HYAL4: variants seen among roughly 807,000 people sequenced by gnomAD.
The protein encoded by HYAL4 is hyaluronidase-4.
Under a neutral mutation model 35.2 loss-of-function variants are expected in HYAL4, and 37 were observed. That is an observed-to-expected ratio of 1.05 (90% CI 0.81 to 1.38). The LOEUF is 1.38. HYAL4 is among the 40% of genes most tolerant of loss of function. HYAL4 has a pLI of 0.00. For synonymous variants in HYAL4, 198 were observed against 203.2 expected (o/e 0.97, Z 0.22); for missense variants, 572 against 572.4 (o/e 1.00, Z 0.01).
chr7:123,855,104 G>A (rs539585332), intron 2 of HYAL4, among the ~76,000 whole-genome samples: 1 of 152,148 alleles, frequency 6.6e-6, no homozygotes, highest in East Asian at 1.9e-4. Context: ...GTCTTTACAC[G>A]TGTGATGGTT....
upstream of HYAL4, among the ~76,000 whole-genome samples, chr7:123,843,005 G>T (rs1020933889): frequency 2.6e-5 from 4 of 152,002 alleles, no homozygotes; most frequent in East Asian, 3.9e-4. Context: ...TACATTTAAG[G>T]TTAATATTGT....
chr7:123,770,428 C>A, the HYAL4 span, among the ~76,000 whole-genome samples: 278 of 136,096 alleles, frequency 2.0e-3, no homozygotes, highest in African/African-American at 7.0e-3. Context: ...GGCGGCAGAG[C>A]GAGACTCCAT....
At chr7:123,853,414 C>T (rs1371892977) in intron 2 of HYAL4, among the ~76,000 whole-genome samples, 7 of 151,952 alleles carry the variant, frequency 4.6e-5, no homozygotes, top group African/African-American at 1.2e-4. Context: ...TCCATTAATA[C>T]CAGTTTATTG....
chr7:123,847,013 A>G (rs1806188204), intron 1 of HYAL4, among the ~76,000 whole-genome samples: 1 of 152,118 alleles, frequency 6.6e-6, no homozygotes, highest in South Asian at 2.1e-4. Flanking sequence ...CTCTAGGAGC[A>G]TTCCGCTTCC....
chr7:123,776,010 AC>A, the HYAL4 span, among the ~76,000 whole-genome samples: 1 of 152,186 alleles, frequency 6.6e-6, no homozygotes, highest in Non-Finnish European at 1.5e-5. Context: ...CACACCCAAC[AC>A]TTGCCATCTA....
chr7:123,768,647 C>G, the HYAL4 span, among the ~76,000 whole-genome samples: 1 of 152,190 alleles, frequency 6.6e-6, no homozygotes, highest in Non-Finnish European at 1.5e-5. Flanking sequence ...GGAGGTACAT[C>G]TCCTGTTGCA....
the HYAL4 span, among the ~76,000 whole-genome samples, chr7:123,799,322 G>A: frequency 6.6e-6 from 1 of 151,550 alleles, no homozygotes; most frequent in African/African-American, 2.4e-5. Context: ...CTCCTTTTAA[G>A]CCAATATTTT....
At chr7:123,799,898 C>A in the HYAL4 span, among the ~76,000 whole-genome samples, 1 of 151,618 alleles carries the variant, frequency 6.6e-6, no homozygotes, top group Non-Finnish European at 1.5e-5. Context: ...TGGTAGCTCA[C>A]GCCTGTAATC....
chr7:123,854,791 T>C (rs1254590985), intron 2 of HYAL4, among the ~76,000 whole-genome samples: 4 of 152,186 alleles, frequency 2.6e-5, no homozygotes, highest in African/African-American at 9.7e-5. Context: ...ATTTTCTGTC[T>C]CGTTGATCTG....
chr7:123,827,597 A>G (rs756635287), upstream of HYAL4, among the ~76,000 whole-genome samples: 1 of 152,180 alleles, frequency 6.6e-6, no homozygotes, highest in Admixed American at 6.6e-5. Context: ...GTTTCTAAAC[A>G]TAGTATGAGA....
At chr7:123,864,578 A>G (rs1166380470) in intron 2 of HYAL4, among the ~76,000 whole-genome samples, 1 of 152,080 alleles carries the variant, frequency 6.6e-6, no homozygotes, top group Admixed American at 6.6e-5. Flanking sequence ...ACAGGTTGCT[A>G]TGCTACAAGA....
At chr7:123,862,741 A>G (rs1806602197) in intron 2 of HYAL4, among the ~76,000 whole-genome samples, 1 of 152,236 alleles carries the variant, frequency 6.6e-6, no homozygotes, top group Admixed American at 6.5e-5. Flanking sequence ...AGAGCTTTTT[A>G]TAGTCTTCCT....
At chr7:123,849,172 G>A (rs1806240644) in intron 2 of HYAL4, among the ~76,000 whole-genome samples, 1 of 152,076 alleles carries the variant, frequency 6.6e-6, no homozygotes, top group Admixed American at 6.6e-5. Context: ...GTATGTGACT[G>A]TATGTATGTA....
the HYAL4 span, among the ~76,000 whole-genome samples, chr7:123,808,421 G>A: frequency 9.2e-5 from 3 of 32,532 alleles, no homozygotes; most frequent in African/African-American, 4.2e-4. Flanking sequence ...ATCATCACGT[G>A]TGTGTGTGTG....
chr7:123,873,713 C>T lies in HYAL4; in HGVS notation c.955-1048C>T, dbSNP rs1806941493. On this transcript the variant is annotated intron_variant, in intron 3 of 4. Coordinates refer to ENST00000223026, the MANE Select transcript of HYAL4 (RefSeq NM_012269.3). ...ACATACATTCAAATCTTAATTTGCT[C>T]CAGAAAACGGCCTAGATCCCTGTTA... Among the ~76,000 whole-genome samples, 6 of 152,206 alleles carry T rather than the reference C, an allele frequency of 3.9e-5. No individual in the cohort carries two copies. The South Asian group carries it at 1.0e-3, about 26-fold the overall frequency.
chr7:123,851,993 G>C lies in HYAL4; in HGVS notation c.-52+3835G>C, dbSNP rs138798384. Among the ~76,000 whole-genome samples the C allele has an allele frequency of 2.1e-3, 316 of 152,300 alleles. 3 individuals are homozygous for C. Among genetic ancestry groups the C allele is most frequent in the African/African-American group, 7.3e-3 (303 of 41,570 alleles). ...GATTTGCATTTCTCTAATGACCAGT[G>C]ATGATGAGCTTTTTTTCATCTTTGT... On this transcript the variant is annotated intron_variant, in intron 2 of 4. Coordinates refer to ENST00000223026, the MANE Select transcript of HYAL4 (RefSeq NM_012269.3).
upstream of HYAL4, among the ~76,000 whole-genome samples, chr7:123,828,499 G>A (rs1370498296): frequency 6.6e-6 from 1 of 150,888 alleles, no homozygotes; most frequent in Non-Finnish European, 1.5e-5. Flanking sequence ...TCAACTTTAG[G>A]AGAATTGTTA....
the HYAL4 span, among the ~76,000 whole-genome samples, chr7:123,778,803 C>T: frequency 6.6e-6 from 1 of 152,122 alleles, no homozygotes; most frequent in Non-Finnish European, 1.5e-5. Context: ...ATTGAAATAT[C>T]TAAATATTCC....
At chr7:123,810,206 A>G in the HYAL4 span, among the ~76,000 whole-genome samples, 1 of 152,156 alleles carries the variant, frequency 6.6e-6, no homozygotes, top group Non-Finnish European at 1.5e-5. Context: ...TGGCTGCAAG[A>G]GAAGCAGCAA....
Sources: allele counts gnomAD v4.1 joint callset (sites outside exome capture counted in the v4.1 genomes callset), GRCh38; gene constraint gnomAD v4.1.1; transcripts MANE v1.5; gene names NCBI Gene and HGNC (gene_info 2026-07-23, HGNC 2026-07-21).